Variants in FAM83D observed in about 807,000 individuals in gnomAD.
FAM83D encodes protein FAM83D.
In FAM83D, 26 loss-of-function variants were observed where a neutral mutation model predicts 25.4. That is an observed-to-expected ratio of 1.02 (90% CI 0.75 to 1.42). The LOEUF (loss-of-function observed/expected upper bound fraction) is 1.42. Ranked by LOEUF, FAM83D falls within the 40% of genes most tolerant of loss-of-function variation. FAM83D has a pLI of 0.00. For synonymous variants in FAM83D, 310 were observed against 318.5 expected (o/e 0.97, Z 0.28); for missense variants, 740 against 758.1 (o/e 0.98, Z 0.28).
At chr20:38,950,669 G>A (rs1265742860) in intron 3 of FAM83D, among the ~76,000 whole-genome samples, 2 of 150,784 alleles carry the variant, frequency 1.3e-5, no homozygotes, top group Admixed American at 1.3e-4. Context: ...GGTCTGATCT[G>A]GAGTCCAGCA....
chr20:38,933,168 G>A (rs1351041402), intron 1 of FAM83D, among the ~76,000 whole-genome samples: 1 of 152,202 alleles, frequency 6.6e-6, no homozygotes, highest in African/African-American at 2.4e-5. Context: ...GGGCTGTCTT[G>A]TACATTGTAG....
At chr20:38,949,145 T>G (rs1451733512) in intron 3 of FAM83D, among the ~76,000 whole-genome samples, 1 of 151,388 alleles carries the variant, frequency 6.6e-6, no homozygotes, top group Non-Finnish European at 1.5e-5. Flanking sequence ...TTTATTTACA[T>G]TATCTCATTG....
chr20:38,945,999 G>A (rs2085726158), intron 2 of FAM83D, among the ~76,000 whole-genome samples: 1 of 151,934 alleles, frequency 6.6e-6, no homozygotes. Context: ...CCTGAGGTCA[G>A]GAGTTTGAGA....
intron 2 of FAM83D, among the ~76,000 whole-genome samples, chr20:38,943,038 T>C (rs111711154): frequency 2.0e-5 from 3 of 151,718 alleles, no homozygotes; most frequent in Non-Finnish European, 2.9e-5. Flanking sequence ...TTTTTTTTTT[T>C]TCCTGAGATA....
rs760879047 is a variant in FAM83D, at chr20:38,926,496, G to T, written c.54G>T (p.Pro18=). 3.8e-6 allele frequency: 6 copies of T among 1,596,746 alleles called. No individual in the cohort carries two copies. In the African/African-American group the frequency reaches 6.7e-5, roughly 18 times the overall value. ...AGGTGCCCGCCGCCTGCCTGTCGCC[G>T]TGCGGGCCGCCCAACCCGACCGAGC... ...LDEVPAACLS[P]CGPPNPTELF... Residue 18 remains proline (P), a synonymous_variant, in exon 1 of 4, where the codon CCG becomes CCT. Transcript: ENST00000619850.
intron 3 of FAM83D, among the ~76,000 whole-genome samples, chr20:38,949,120 G>A (rs1375645704): frequency 6.6e-6 from 1 of 151,644 alleles, no homozygotes; most frequent in Non-Finnish European, 1.5e-5. Flanking sequence ...TATAATCTTG[G>A]TGTTGGATAG....
At chr20:38,947,393 G>C (rs1013432524) in intron 2 of FAM83D, among the ~76,000 whole-genome samples, 7 of 152,218 alleles carry the variant, frequency 4.6e-5, no homozygotes, top group African/African-American at 1.7e-4. Flanking sequence ...ATGGTGTTGA[G>C]GGTGAGTGAG....
intron 2 of FAM83D, among the ~76,000 whole-genome samples, chr20:38,947,576 C>T (rs537601821): frequency 6.6e-6 from 1 of 152,072 alleles, no homozygotes; most frequent in Non-Finnish European, 1.5e-5. Context: ...GTTTAGTATC[C>T]CAAAAAGGTT....
intron 3 of FAM83D, among the ~76,000 whole-genome samples, chr20:38,949,846 A>G (rs111924447): frequency 3.4e-4 from 52 of 152,146 alleles, no homozygotes; most frequent in African/African-American, 1.2e-3. Flanking sequence ...TGTTTTTGAG[A>G]CAAAGAGTCT....
At chr20:38,927,498 CT>C (rs1173092369) in intron 1 of FAM83D, among the ~76,000 whole-genome samples, 1,981 of 101,388 alleles carry the variant, frequency 0.02, 14 homozygotes, top group South Asian at 0.061. Context: ...TCTTTCTTGT[CT>C]TTTTTTTTTT....
Position 38,952,137 on chromosome 20 carries a change from A to G in FAM83D, c.1375A>G (p.Thr459Ala), listed in dbSNP as rs745414653. The stretch of plus-strand genomic sequence containing the variant: ...TCTCTTTCCTCGAGGAACTCAATCT[A>G]CAGAAGGGTCACCAGTCTCAAAAAT... Reference protein sequence around the residue: ...NILFPRGTQSTEGSPVSKMSV... With the variant: ...NILFPRGTQSAEGSPVSKMSV... The change falls in exon 4 of 4, where the codon ACA (threonine) becomes GCA (alanine). Residue 459 changes from threonine to alanine, a missense_variant. Physicochemically the swap from Thr to Ala is moderately conservative, Grantham distance 58 (BLOSUM62 0). Around this residue, in one of 3 missense-constraint regions of FAM83D, gnomAD observed 375 missense variants for 403.2 expected, o/e 0.93. Coordinates refer to ENST00000619850, the MANE Select transcript of FAM83D (RefSeq NM_030919.3). The G allele has an allele frequency of 1.4e-5, 23 of 1,614,036 alleles. No homozygotes were observed. Among genetic ancestry groups the G allele is most frequent in the East Asian group, 4.5e-5 (2 of 44,886 alleles).
At chr20:38,939,603 G>A (rs1005473876) in intron 1 of FAM83D, among the ~76,000 whole-genome samples, 50 of 152,050 alleles carry the variant, frequency 3.3e-4, no homozygotes, top group African/African-American at 1.1e-3. Context: ...CACCCACCTC[G>A]GCCTCCCAAA....
At chr20:38,946,947 A>G (rs1173546196) in intron 2 of FAM83D, among the ~76,000 whole-genome samples, 1 of 152,168 alleles carries the variant, frequency 6.6e-6, no homozygotes, top group Non-Finnish European at 1.5e-5. Flanking sequence ...TAAATCAATT[A>G]GTTTTCTCTC....
intron 2 of FAM83D, among the ~76,000 whole-genome samples, chr20:38,945,762 GT>G (rs1379166177): frequency 0.084 from 774 of 9,264 alleles, 4 homozygotes; most frequent in Middle Eastern, 0.18. Flanking sequence ...CCCACCCCCC[GT>G]TTTTTTTTTT....
chr20:38,952,515 C>T lies in FAM83D; in HGVS notation c.1753C>T (p.Gln585Ter). The T allele has an allele frequency of 6.2e-7, 1 of 1,611,216 alleles. No homozygotes were observed. Among genetic ancestry groups the T allele is most frequent in the African/African-American group, 1.3e-5 (1 of 75,018 alleles). ...AGATGTAGCACTTTATCCTTCCTAT[C>T]AGTAACTGCTCCGTGTTCAGACTCC... Reference protein sequence around the residue: ...VRDVALYPSYQ With the variant: ...VRDVALYPSY Residue 585 changes from glutamine to a stop codon, truncating the protein, a stop_gained, in exon 4 of 4, where the codon CAG becomes TAG. Transcript: ENST00000619850. LOFTEE classifies it high-confidence loss of function.
chr20:38,951,318 G>A (rs1267768516), intron 3 of FAM83D, among the ~76,000 whole-genome samples: 1 of 152,156 alleles, frequency 6.6e-6, no homozygotes, highest in Non-Finnish European at 1.5e-5. Flanking sequence ...AGCATTTAGT[G>A]TGTTTGTTAA....
chr20:38,932,111 C>T (rs1281741343), intron 1 of FAM83D, among the ~76,000 whole-genome samples: 3 of 152,228 alleles, frequency 2.0e-5, no homozygotes, highest in African/African-American at 7.2e-5. Context: ...TTTGGCCATG[C>T]GCGGTGGCTC....
intron 1 of FAM83D, among the ~76,000 whole-genome samples, chr20:38,934,896 A>G (rs1026207850): frequency 3.9e-5 from 6 of 152,344 alleles, no homozygotes; most frequent in Non-Finnish European, 8.8e-5. Context: ...ATAAAGATTC[A>G]GTTCTGTCAT....
rs150436948 is a variant in FAM83D, at chr20:38,935,613, A to T, written c.484-6346A>T. 4.6e-5 allele frequency among the ~76,000 whole-genome samples: 7 copies of T among 152,242 alleles called. No individual in the cohort carries two copies. The South Asian group carries it at 6.2e-4, about 14-fold the overall frequency. On this transcript the variant is annotated intron_variant, in intron 1 of 3. Transcript: ENST00000619850. ...CACATGCCACCACGCCCAGATAATTAAAAAAATTTTTTCTGGAGACAGGAT... is the reference window on the plus strand; with the variant it reads ...CACATGCCACCACGCCCAGATAATTTAAAAAATTTTTTCTGGAGACAGGAT...
Sources: allele counts gnomAD v4.1 joint callset (sites outside exome capture counted in the v4.1 genomes callset), GRCh38; gene constraint gnomAD v4.1.1; regional missense constraint gnomAD v4.1.1; transcripts MANE v1.5; gene names NCBI Gene and HGNC (gene_info 2026-07-23, HGNC 2026-07-21).